Variants in IL37 observed in about 807,000 individuals in gnomAD.
The protein encoded by IL37 is interleukin 37.
A neutral mutation model predicts 15.4 loss-of-function variants in IL37; 15 were observed. The observed-to-expected ratio is 0.98, with a 90% CI of 0.65 to 1.50. The LOEUF is 1.50. IL37 is among the 40% of genes most tolerant of loss of function. IL37 has a pLI of 0.00. For missense variants in IL37, 269 were observed against 261.7 expected (o/e 1.03, Z -0.19); for synonymous variants, 98 against 97.4 (o/e 1.01, Z -0.03).
At chr2:112,913,594 C>T (rs1683229682) in intron 2 of IL37, among the ~76,000 whole-genome samples, 198 bp from the exon 3 acceptor site, 1 of 152,190 alleles carries the variant, frequency 6.6e-6, no homozygotes, top group Non-Finnish European at 1.5e-5. Flanking sequence ...TGTGACATGC[C>T]AGAGGCCAAA....
Position 112,918,676 on chromosome 2 carries a change from G to T in IL37, c.524G>T (p.Trp175Leu). 6.2e-7 allele frequency: 1 copy of T among 1,614,108 alleles called. No individual in the cohort carries two copies. Among genetic ancestry groups the T allele is most frequent in the East Asian group, 2.2e-5 (1 of 44,868 alleles). Residue 175 changes from tryptophan (W) to leucine (L), a missense_variant, in exon 6 of 6, where the codon TGG (tryptophan) becomes TTG (leucine). Coordinates refer to ENST00000263326, the MANE Select transcript of IL37 (RefSeq NM_014439.4). ...NMLESAAHPG[W>L]FICTSCNCNE... ...CTGGAGTCGGCGGCTCACCCCGGAT[G>T]GTTCATCTGCACCTCCTGCAATTGT...
In IL37 at chr2:112,917,284, C is replaced by T. The variant is rs763885617; in HGVS notation, c.265+36C>T. On this transcript the variant is annotated intron_variant, in intron 4 of 5. Transcript: ENST00000263326. ...GTTTTGGCTGTGTTTTCTGCCTCCA[C>T]CTAGCAGGGGTAAGGCCTCCTGCTA... 7 of 1,611,248 alleles carry T rather than the reference C, an allele frequency of 4.3e-6. No homozygotes were observed. The South Asian group carries it at 7.7e-5, about 18-fold the overall frequency.
In IL37 at chr2:112,913,080, A is replaced by G; in HGVS notation, c.68A>G (p.Gln23Arg). 1 of 1,563,572 alleles carries G rather than the reference A, an allele frequency of 6.4e-7. No homozygotes were observed. The highest frequency in any genetic ancestry group is 1.2e-5 in the South Asian group (1 of 82,070). ...GSEDWEKDEP[Q>R]CCLEDPAGSP... ...GAGGACTGGGAAAAAGATGAACCCC[A>G]GTGCTGCTTAGAAGGTAAGGTTCTT... is the stretch of plus-strand genomic sequence containing the variant. Residue 23 changes from glutamine to arginine, a missense_variant, in exon 2 of 6, where the codon CAG becomes CGG. Coordinates refer to ENST00000263326, the MANE Select transcript of IL37 (RefSeq NM_014439.4).
At chr2:112,914,619 C>T (rs1234833843) in intron 3 of IL37, among the ~76,000 whole-genome samples, 3 of 152,226 alleles carry the variant, frequency 2.0e-5, no homozygotes, top group African/African-American at 7.2e-5. Context: ...GTCACTTCTC[C>T]ACCGCTGCTG....
rs934054389 is a variant in IL37, at chr2:112,918,484, T to G, written c.409-77T>G. ...TTTCCTCCTCTCCTGTGTAAAGGCC[T>G]GGAGGATGAGCACATGTGCTGTGTT... On this transcript the variant is annotated intron_variant, in intron 5 of 5. Coordinates refer to ENST00000263326, the MANE Select transcript of IL37 (RefSeq NM_014439.4). 6.0e-6 allele frequency: 9 copies of G among 1,492,352 alleles called. No individual in the cohort carries two copies. In the Admixed American group the frequency reaches 1.7e-4, roughly 28 times the overall value. 92.4% of individuals were successfully genotyped at this position (1,492,352 alleles called of 1,614,324 possible). A position where few individuals can be genotyped will look rare whatever the true frequency, so the allele number is the denominator to read the frequency against.
intron 1 of IL37, among the ~76,000 whole-genome samples, chr2:112,912,295 T>C (rs542379554): frequency 2.0e-5 from 3 of 152,286 alleles, no homozygotes; most frequent in Admixed American, 6.5e-5. Context: ...TTTATATATA[T>C]AAATATATCT....
chr2:112,917,508 GA>G (rs1184365377), intron 4 of IL37, 126 bp from the exon 5 acceptor site: 6 of 1,008,618 alleles, frequency 5.9e-6, no homozygotes, highest in Non-Finnish European at 8.8e-6. Flanking sequence ...AAACCAGTGT[GA>G]TGGAGGGAGA....
intron 3 of IL37, among the ~76,000 whole-genome samples, chr2:112,915,684 C>T (rs1198171711): frequency 6.6e-6 from 1 of 152,348 alleles, no homozygotes; most frequent in Admixed American, 6.5e-5. Context: ...TGAGGAGATT[C>T]TGATGTAAGG....
intron 3 of IL37, among the ~76,000 whole-genome samples, chr2:112,914,547 G>A (rs28947190): frequency 0.013 from 1,948 of 152,316 alleles, 38 homozygotes; most frequent in African/African-American, 0.044. Flanking sequence ...TAGTACAATG[G>A]CAGAGAGGAC....
At chr2:112,915,306 G>T in intron 3 of IL37, 1 of 1,489,674 alleles carries the variant, frequency 6.7e-7, no homozygotes, top group Non-Finnish European at 9.3e-7. Context: ...CTTAAAAAGA[G>T]CATTTTCCAG....
intron 3 of IL37, chr2:112,915,265 A>G (rs1683280281): frequency 2.5e-6 from 4 of 1,611,788 alleles, no homozygotes; most frequent in Non-Finnish European, 3.4e-6. Flanking sequence ...AAGAGGTACA[A>G]AGTAAAATGA....
At chr2:112,915,880 T>A (rs745554614) in intron 3 of IL37, among the ~76,000 whole-genome samples, 1 of 152,048 alleles carries the variant, frequency 6.6e-6, no homozygotes, top group African/African-American at 2.4e-5. Flanking sequence ...GAGCTTACAG[T>A]GCTATAGGGC....
chr2:112,916,878 T>C (rs1352922283), intron 3 of IL37, among the ~76,000 whole-genome samples: 1 of 152,230 alleles, frequency 6.6e-6, no homozygotes, highest in African/African-American at 2.4e-5. Flanking sequence ...TAACTTGTCC[T>C]CTGTCCTACA....
intron 2 of IL37, among the ~76,000 whole-genome samples, chr2:112,913,448 C>T (rs552765437): frequency 7.7e-4 from 118 of 152,336 alleles, no homozygotes; most frequent in African/African-American, 2.7e-3. Flanking sequence ...CTCTCTAAGG[C>T]TGGGCTGAAC....
At chr2:112,912,301 T>C (rs2104972721) in intron 1 of IL37, among the ~76,000 whole-genome samples, 1 of 152,316 alleles carries the variant, frequency 6.6e-6, no homozygotes, top group South Asian at 2.1e-4. Flanking sequence ...TATATAAATA[T>C]ATCTCCTCCA....
intron 3 of IL37, among the ~76,000 whole-genome samples, chr2:112,914,237 G>A (rs1411509255): frequency 1.3e-5 from 2 of 152,126 alleles, no homozygotes; most frequent in African/African-American, 2.4e-5. Context: ...GGCTCAGGGC[G>A]GCGCCTTCAG....
rs2708959 is a variant in IL37, at chr2:112,912,838, T to C, written c.-50-125T>C. ...AGCATGGTCTGGCCCCTTGGTGCCT[T>C]TCTGGTTGCAGCGAGCATTTCAAAC... is the stretch of plus-strand genomic sequence containing the variant. On this transcript the variant is annotated intron_variant, in intron 1 of 5. Coordinates refer to ENST00000263326, the MANE Select transcript of IL37 (RefSeq NM_014439.4). The C allele has an allele frequency of 3.9e-5, 19 of 485,946 alleles. No homozygotes were observed. The South Asian group carries it at 7.0e-4, about 18-fold the overall frequency. The allele number at this position is 485,946 out of a possible 1,614,324, so 30.1% of individuals were successfully genotyped here.
intron 2 of IL37, 87 bp from the exon 3 acceptor site, chr2:112,913,704 CA>C (rs1683232272): frequency 7.1e-6 from 7 of 983,012 alleles, no homozygotes; most frequent in Admixed American, 1.9e-5. Flanking sequence ...AGCACATACA[CA>C]GAAGAGGGAA....
At position 112,918,424 on chromosome 2, in the gene IL37, C is replaced by T. The variant is rs1157542613; in HGVS notation, c.409-137C>T. 5 of 949,142 alleles carry T rather than the reference C, an allele frequency of 5.3e-6. 1 individual carries two copies. In the South Asian group the frequency reaches 7.8e-5, roughly 15 times the overall value. The allele number at this position is 949,142 out of a possible 1,614,324, so 58.8% of individuals were successfully genotyped here. A position where few individuals can be genotyped will look rare whatever the true frequency, so the allele number is the denominator to read the frequency against. On this transcript the variant is annotated intron_variant, in intron 5 of 5. Coordinates refer to ENST00000263326, the MANE Select transcript of IL37 (RefSeq NM_014439.4). ...TTAAATACCAGTACCAAGGCTGACA[C>T]GTCATCTTTCCCAAGGACCATCTGC...
Sources: gnomAD v4.1 joint callset for allele counts (sites outside exome capture counted in the v4.1 genomes callset) on GRCh38, gnomAD v4.1.1 for gene constraint, MANE v1.5 for transcripts, NCBI Gene and HGNC (gene_info 2026-07-23, HGNC 2026-07-21) for gene names.